MYLK4: variants seen among roughly 807,000 people sequenced by gnomAD.
The protein encoded by MYLK4 is caMLCK like.
A neutral mutation model predicts 48.1 loss-of-function variants in MYLK4; 46 were observed. The observed-to-expected ratio is 0.96, with a 90% confidence interval of 0.75 to 1.22. The LOEUF (loss-of-function observed/expected upper bound fraction) is 1.22, where lower values mean the gene tolerates loss of function less well. MYLK4 is among the 50% of genes most tolerant of loss of function. The pLI is 0.00. For synonymous variants in MYLK4, 170 were observed against 180.8 expected (o/e 0.94, Z 0.48); for missense variants, 451 against 486.1 (o/e 0.93, Z 0.68).
chr6:2,769,684 GAAT>G, the MYLK4 span, among the ~76,000 whole-genome samples: 4 of 152,070 alleles, frequency 2.6e-5, no homozygotes, highest in African/African-American at 9.7e-5. Context: ...AGCATAATAG[GAAT>G]AATAATAATA....
At chr6:2,766,439 G>A in the MYLK4 span, 2 of 1,557,030 alleles carry the variant, frequency 1.3e-6, no homozygotes, top group South Asian at 1.2e-5. Flanking sequence ...GCCGGGCTGC[G>A]GCAAGGTGAG....
chr6:2,730,687 CCT>C (rs1444046138), intron 2 of MYLK4, among the ~76,000 whole-genome samples: 7 of 151,872 alleles, frequency 4.6e-5, no homozygotes, highest in Admixed American at 2.0e-4. Flanking sequence ...CCCCTCATAC[CCT>C]GTTTTTTTTT....
intron 1 of MYLK4, among the ~76,000 whole-genome samples, 182 bp from the exon 2 acceptor site, chr6:2,749,588 A>C (rs1399784280): frequency 1.3e-5 from 2 of 152,230 alleles, no homozygotes; most frequent in African/African-American, 4.8e-5. Flanking sequence ...AAAGGAAAAA[A>C]AATTTTTTCA....
the MYLK4 span, chr6:2,766,411 G>C: frequency 1.2e-6 from 2 of 1,600,074 alleles, no homozygotes; most frequent in South Asian, 1.1e-5. Flanking sequence ...AAATCCCCTC[G>C]CTTATCCTGT....
At position 2,746,805 on chromosome 6, in the gene MYLK4, A is replaced by G. The variant is rs149018012; in HGVS notation, c.159+2331T>C. On this transcript the variant is annotated intron_variant, in intron 2 of 12. Transcript: ENST00000274643. ...TTTAAAGATTTACTGCTGCCCCAGC[A>G]GAAGATGAAGACGTGTTAATCTAGC... is the stretch of plus-strand genomic sequence containing the variant. 7.2e-5 allele frequency among the ~76,000 whole-genome samples: 11 copies of G among 152,366 alleles called. No individual in the cohort carries two copies. In the East Asian group the frequency reaches 2.1e-3, roughly 29 times the overall value.
rs188143357 is a variant in MYLK4 at position 2,698,641 on chromosome 6, A to G, written c.160-5782T>C. On this transcript the variant is annotated intron_variant, in intron 2 of 12. Transcript: ENST00000274643. ...ATAATGACTTTATTAAACTTGGATT[A>G]GATTCCTAATGGGGGAGAGAACAAT... Among the ~76,000 whole-genome samples the G allele has an allele frequency of 3.3e-5, 5 of 152,372 alleles. No homozygotes were observed. In the East Asian group the frequency reaches 9.6e-4, roughly 29 times the overall value.
intron 2 of MYLK4, among the ~76,000 whole-genome samples, chr6:2,699,428 T>G (rs1019846784): frequency 6.7e-5 from 10 of 149,778 alleles, no homozygotes; most frequent in African/African-American, 2.5e-4. Context: ...GTAGCTGGGA[T>G]TACAGGTGCC....
At chr6:2,764,973 T>A in the MYLK4 span, among the ~76,000 whole-genome samples, 1 of 152,182 alleles carries the variant, frequency 6.6e-6, no homozygotes, top group Non-Finnish European at 1.5e-5. Context: ...TCCCTTTCGT[T>A]ACAAACGACC....
rs1760678398 is a variant in MYLK4, at chr6:2,666,924, A to C, written c.*1001T>G. The C allele has an allele frequency of 1.3e-5, 2 of 152,206 alleles. No homozygotes were observed. The highest frequency in any genetic ancestry group is 2.9e-5 in the Non-Finnish European group (2 of 68,058). 9.4% of individuals were successfully genotyped at this position (152,206 alleles called of 1,614,324 possible). On this transcript the variant is annotated 3_prime_UTR_variant, in exon 13 of 13. Transcript: ENST00000274643. ...CTTCACCACCATTGAGTCCCATGAG[A>C]CAGCACAGGCGAGAGACTGTACTTG...
chr6:2,700,691 C>T (rs1450078140), intron 2 of MYLK4, among the ~76,000 whole-genome samples: 1 of 152,130 alleles, frequency 6.6e-6, no homozygotes, highest in Non-Finnish European at 1.5e-5. Flanking sequence ...ATGGGGCATC[C>T]TGGGAGGGCA....
chr6:2,769,344 A>G, the MYLK4 span, among the ~76,000 whole-genome samples: 9 of 152,178 alleles, frequency 5.9e-5, no homozygotes, highest in Non-Finnish European at 1.0e-4. Context: ...ATTACTGTTT[A>G]TTTAAATGGG....
rs1763797853 is a variant in MYLK4, at chr6:2,739,037, T to C, written c.159+10099A>G. On this transcript the variant is annotated intron_variant, in intron 2 of 12. Transcript: ENST00000274643. ...ATTTCTACAAAGAGACCCAAGCACC[T>C]GTTTCATATGTTGGGCAAGCGAATG... is the stretch of plus-strand genomic sequence containing the variant. Among the ~76,000 whole-genome samples the C allele has an allele frequency of 2.0e-5, 3 of 152,230 alleles. No individual in the cohort carries two copies. The South Asian group carries it at 6.2e-4, about 31-fold the overall frequency.
intron 2 of MYLK4, among the ~76,000 whole-genome samples, chr6:2,724,093 G>C (rs1344440216): frequency 6.6e-6 from 1 of 152,036 alleles, no homozygotes; most frequent in Non-Finnish European, 1.5e-5. Context: ...GGCCAGGCTG[G>C]TCTTGAACTC....
the MYLK4 span, among the ~76,000 whole-genome samples, chr6:2,760,401 T>G: frequency 2.0e-5 from 3 of 152,186 alleles, no homozygotes; most frequent in Non-Finnish European, 2.9e-5. Flanking sequence ...ACCAGGAAGC[T>G]CCACTGAGTT....
chr6:2,687,616 G>A (rs1322103637), intron 4 of MYLK4, among the ~76,000 whole-genome samples: 3 of 152,180 alleles, frequency 2.0e-5, no homozygotes, highest in Non-Finnish European at 2.9e-5. Flanking sequence ...AGTTCATGCT[G>A]TGGAATTCCT....
chr6:2,765,339 T>G, the MYLK4 span: 1 of 266,660 alleles, frequency 3.8e-6, no homozygotes, highest in Non-Finnish European at 6.9e-6. Context: ...CGGACTACAC[T>G]TACTTACATG....
intron 3 of MYLK4, among the ~76,000 whole-genome samples, chr6:2,690,658 C>T (rs939926209): frequency 1.3e-5 from 2 of 152,058 alleles, no homozygotes; most frequent in Admixed American, 6.6e-5. Flanking sequence ...CCCAGGGAAT[C>T]TCACCACTGG....
intron 2 of MYLK4, among the ~76,000 whole-genome samples, chr6:2,725,579 AAGAAAG>A (rs1373823635): frequency 1.9e-4 from 20 of 106,450 alleles, no homozygotes; most frequent in Non-Finnish European, 3.4e-4. Context: ...AAGAAAGAAA[AAGAAAG>A]AGAAAGAAAG....
At chr6:2,756,972 A>G in the MYLK4 span, among the ~76,000 whole-genome samples, 2 of 152,236 alleles carry the variant, frequency 1.3e-5, no homozygotes, top group African/African-American at 4.8e-5. Flanking sequence ...GTAACAAGGC[A>G]TGAAATTACA....
Sources: allele counts gnomAD v4.1 joint callset (sites outside exome capture counted in the v4.1 genomes callset), GRCh38; gene constraint gnomAD v4.1.1; transcripts MANE v1.5; gene names NCBI Gene and HGNC (gene_info 2026-07-23, HGNC 2026-07-21).